ACSL1: variants seen among roughly 807,000 people sequenced by gnomAD.
ACSL1 encodes the protein long-chain-fatty-acid--CoA ligase 1.
Under a neutral mutation model 98.4 loss-of-function variants are expected in ACSL1, and 41 were observed. That is an observed-to-expected ratio of 0.42 (90% CI 0.32 to 0.54). The LOEUF (loss-of-function observed/expected upper bound fraction) is 0.54, where lower values mean the gene tolerates loss of function less well. ACSL1 is among the 20% of genes least tolerant of loss of function. ACSL1 has a pLI of 0.13. For synonymous variants in ACSL1, 316 were observed against 322.7 expected (o/e 0.98, Z 0.22); for missense variants, 734 against 883.1 (o/e 0.83, Z 2.14).
At chr4:184,786,400 C>A (rs1767311538) in intron 3 of ACSL1, among the ~76,000 whole-genome samples, 1 of 145,950 alleles carries the variant, frequency 6.9e-6, no homozygotes, top group Admixed American at 7.2e-5. Flanking sequence ...CGTATATGTG[C>A]TCTGTGGTGG....
chr4:184,787,824 AT>A (rs2150376051), intron 3 of ACSL1, among the ~76,000 whole-genome samples: 1 of 151,014 alleles, frequency 6.6e-6, no homozygotes, highest in African/African-American at 2.4e-5. Context: ...AGATCATGCC[AT>A]TGCACTCCAG....
At chr4:184,763,123 C>G (rs181589674) in intron 16 of ACSL1, 44 bp downstream of exon 16, 1 of 1,600,324 alleles carries the variant, frequency 6.2e-7, no homozygotes, top group African/African-American at 1.3e-5. Context: ...CCAGCGATCA[C>G]AGGAAATGGC....
chr4:184,757,976 T>C lies in ACSL1; in HGVS notation c.1783-56A>G. 6.5e-7 allele frequency: 1 copy of C among 1,532,622 alleles called. No individual in the cohort carries two copies. Among genetic ancestry groups the C allele is most frequent in the Non-Finnish European group, 9.0e-7 (1 of 1,110,130 alleles). 94.9% of individuals were successfully genotyped at this position (1,532,622 alleles called of 1,614,324 possible). The stretch of plus-strand genomic sequence containing the variant: ...GCTTGATCCAAATGCTCTAAAATAG[T>C]GGTTCTTTATTTTTCCATCTTGTGG... On this transcript the variant is annotated intron_variant, in intron 18 of 20. Coordinates refer to ENST00000281455, the MANE Select transcript of ACSL1 (RefSeq NM_001995.5). This position sits in a 1 kb window ranked among gnomAD's most constrained non-coding sequence, Gnocchi z 4.5.
intron 2 of ACSL1, among the ~76,000 whole-genome samples, chr4:184,795,442 A>G (rs1769185839): frequency 6.6e-6 from 1 of 152,230 alleles, no homozygotes; most frequent in Admixed American, 6.5e-5. Flanking sequence ...CTGCTTTATC[A>G]TATTCCCTAC....
At chr4:184,784,553 G>A (rs1766891299) in intron 3 of ACSL1, among the ~76,000 whole-genome samples, 2 of 152,018 alleles carry the variant, frequency 1.3e-5, no homozygotes, top group Admixed American at 1.3e-4. Flanking sequence ...ATGAGGTGAC[G>A]TGAAGCGGTA....
intron 1 of ACSL1, among the ~76,000 whole-genome samples, chr4:184,820,232 T>G (rs899199270): frequency 6.6e-6 from 1 of 152,202 alleles, no homozygotes; most frequent in Non-Finnish European, 1.5e-5. Flanking sequence ...TTAGCCAGGA[T>G]GGTCTTGATC....
Position 184,799,897 on chromosome 4 carries a change from A to G in ACSL1, c.195+3423T>C, listed in dbSNP as rs892462788. Among the ~76,000 whole-genome samples the G allele has an allele frequency of 6.6e-5, 10 of 152,252 alleles. No individual in the cohort carries two copies. The East Asian group carries it at 1.4e-3, about 21-fold the overall frequency. The stretch of plus-strand genomic sequence containing the variant: ...GCCTGCTCCTGGGTTTAGAGGCTCA[A>G]GCCACTGACTCTTCATATTGATCTG... On this transcript the variant is annotated intron_variant, in intron 2 of 20. Coordinates refer to ENST00000281455, the MANE Select transcript of ACSL1 (RefSeq NM_001995.5).
At chr4:184,791,690 G>C (rs1768392283) in intron 2 of ACSL1, among the ~76,000 whole-genome samples, 1 of 152,148 alleles carries the variant, frequency 6.6e-6, no homozygotes, top group Non-Finnish European at 1.5e-5. Flanking sequence ...AGGAGGGAGG[G>C]AAGAGACTGG....
chr4:184,786,354 C>T (rs1323790508), intron 3 of ACSL1, among the ~76,000 whole-genome samples: 2 of 151,712 alleles, frequency 1.3e-5, no homozygotes, highest in Non-Finnish European at 2.9e-5. Flanking sequence ...GTTACAGTTT[C>T]CAAGAACCCA....
Position 184,783,258 on chromosome 4 carries a change from T to G in ACSL1, c.375+669A>C, listed in dbSNP as rs7695530. On this transcript the variant is annotated intron_variant, in intron 4 of 20. Coordinates refer to ENST00000281455, the MANE Select transcript of ACSL1 (RefSeq NM_001995.5). ...CCGCTGTTTCAACAGCTGTAGCCGT[T>G]GATGGGTGGGGACTAGAGACCGACA... Among the ~76,000 whole-genome samples, 23 of 152,104 alleles carry G rather than the reference T, an allele frequency of 1.5e-4. No homozygotes were observed. In the East Asian group the frequency reaches 3.1e-3, roughly 20 times the overall value.
intron 1 of ACSL1, among the ~76,000 whole-genome samples, chr4:184,820,780 T>C (rs988766463): frequency 1.3e-5 from 2 of 151,994 alleles, no homozygotes; most frequent in Non-Finnish European, 2.9e-5. Flanking sequence ...AATTTTTGTA[T>C]TTTTAGTAGA....
At chr4:184,793,312 A>G (rs1768747722) in intron 2 of ACSL1, among the ~76,000 whole-genome samples, 1 of 152,092 alleles carries the variant, frequency 6.6e-6, no homozygotes, top group Non-Finnish European at 1.5e-5. Flanking sequence ...TCTCCCCACA[A>G]GGGCTGAATT....
At chr4:184,804,247 C>T (rs1472887453) in intron 1 of ACSL1, among the ~76,000 whole-genome samples, 7 of 152,180 alleles carry the variant, frequency 4.6e-5, no homozygotes, top group African/African-American at 1.7e-4. Context: ...AGAGGGAATA[C>T]AGCACAGTGT....
intron 2 of ACSL1, among the ~76,000 whole-genome samples, chr4:184,802,790 G>A (rs545131653): frequency 6.6e-6 from 1 of 152,262 alleles, no homozygotes; most frequent in African/African-American, 2.4e-5. Context: ...GCCTCTTGAG[G>A]GTTGTTTCTT....
chr4:184,811,166 T>C (rs747587504), intron 1 of ACSL1, among the ~76,000 whole-genome samples: 5 of 152,160 alleles, frequency 3.3e-5, no homozygotes, highest in South Asian at 2.1e-4. Context: ...TGGAGTGCAG[T>C]GGTGTGATCT....
At chr4:184,804,743 C>A (rs1454137447) in intron 1 of ACSL1, among the ~76,000 whole-genome samples, 2 of 152,134 alleles carry the variant, frequency 1.3e-5, no homozygotes, top group African/African-American at 4.8e-5. Context: ...CAGGGCTTTT[C>A]TGACTGCTAA....
At chr4:184,761,285 G>A (rs992827688) in intron 17 of ACSL1, among the ~76,000 whole-genome samples, 6 of 152,152 alleles carry the variant, frequency 3.9e-5, no homozygotes, top group African/African-American at 1.4e-4. Context: ...CCGGAAGAGG[G>A]GGACTTAATT....
Position 184,766,049 on chromosome 4 carries a change from G to T in ACSL1, c.1264-63C>A, listed in dbSNP as rs182757530. On this transcript the variant is annotated intron_variant, in intron 13 of 20. Transcript: ENST00000281455. The surrounding 1 kb of genome is among the most constrained non-coding windows in gnomAD (Gnocchi z 4.8). Reference sequence around the variant, plus strand: ...ACACCTGGAAGTCGGCGGCCTCTCCGCCAAGGGGGCCTGCTTGGGACCCCG... The same window carrying T: ...ACACCTGGAAGTCGGCGGCCTCTCCTCCAAGGGGGCCTGCTTGGGACCCCG... 4.0e-6 allele frequency: 6 copies of T among 1,513,804 alleles called. No individual in the cohort carries two copies. In the Admixed American group the frequency reaches 8.6e-5, roughly 22 times the overall value. 93.8% of individuals were successfully genotyped at this position (1,513,804 alleles called of 1,614,324 possible).
intron 12 of ACSL1, chr4:184,767,985 A>G (rs1763882708): frequency 2.5e-6 from 1 of 407,254 alleles, no homozygotes; most frequent in Non-Finnish European, 4.3e-6. Flanking sequence ...TTGGAGACAA[A>G]CAGTAGGAGA....
Sources: gnomAD v4.1 joint callset for allele counts (sites outside exome capture counted in the v4.1 genomes callset) on GRCh38, gnomAD v4.1.1 for gene constraint, Gnocchi (gnomAD v3.1) non-coding constraint, MANE v1.5 for transcripts, NCBI Gene and HGNC (gene_info 2026-07-23, HGNC 2026-07-21) for gene names.